Variants in SPATA13 observed in about 807,000 individuals in gnomAD.
SPATA13 encodes the protein spermatogenesis-associated protein 13.
Under a neutral mutation model 104.0 loss-of-function variants are expected in SPATA13, and 50 were observed. That is an observed-to-expected ratio of 0.48 (90% confidence interval 0.38 to 0.61). The LOEUF (loss-of-function observed/expected upper bound fraction) is 0.61. Ranked by LOEUF, SPATA13 falls within the 20% of genes least tolerant of loss-of-function variation. The pLI, the probability that SPATA13 is intolerant of heterozygous loss-of-function variation, is 0.00. For missense variants in SPATA13, 1,524 were observed against 1,690.6 expected (o/e 0.90, Z 1.73); for synonymous variants, 606 against 667.5 (o/e 0.91, Z 1.42).
intron 3 of SPATA13, among the ~76,000 whole-genome samples, chr13:24,120,963 T>G (rs9553188): frequency 0.19 from 28,893 of 152,082 alleles, 4,391 homozygotes; most frequent in African/African-American, 0.4. Flanking sequence ...GTCTGAGGAA[T>G]AAAACTGCAA....
intron 2 of SPATA13, among the ~76,000 whole-genome samples, chr13:24,013,846 T>G (rs752582742): frequency 6.6e-6 from 1 of 151,998 alleles, no homozygotes; most frequent in African/African-American, 2.4e-5. Context: ...GTTTGACCCA[T>G]GAGAAAATCA....
At position 24,186,515 on chromosome 13, in the gene SPATA13, A is replaced by G. The variant is rs147498403; in HGVS notation, c.-112+25583A>G. The stretch of plus-strand genomic sequence containing the variant: ...AATCCCAGAAACGAATAAAAATAGG[A>G]CATCAACAATGTTCTACGAGTCAAG... On this transcript the variant is annotated intron_variant, in intron 1 of 12. Transcript: ENST00000382108. Among the ~76,000 whole-genome samples the G allele has an allele frequency of 1.4e-4, 21 of 152,330 alleles. No homozygotes were observed. The East Asian group carries it at 4.1e-3, about 29-fold the overall frequency.
chr13:24,149,755 G>A (rs1250368891), intron 3 of SPATA13, among the ~76,000 whole-genome samples: 2 of 152,236 alleles, frequency 1.3e-5, no homozygotes, highest in African/African-American at 4.8e-5. Context: ...GGCCCTGCGG[G>A]GCGGATAGAG....
chr13:23,983,865 G>A (rs759344158), exon 2 of SPATA13: 267 of 985,264 alleles, frequency 2.7e-4, no homozygotes, highest in Non-Finnish European at 3.0e-4. Context: ...CCACAGGCCT[G>A]ATGAAAATGA....
intron 3 of SPATA13, among the ~76,000 whole-genome samples, chr13:24,134,292 T>C (rs1881484027): frequency 6.6e-6 from 1 of 152,206 alleles, no homozygotes; most frequent in African/African-American, 2.4e-5. Flanking sequence ...CCAAGTACCC[T>C]AAAACCACAC....
intron 9 of SPATA13, among the ~76,000 whole-genome samples, chr13:24,292,598 A>G (rs1876472074): frequency 6.6e-5 from 10 of 152,146 alleles, no homozygotes. Flanking sequence ...GCAAACCACA[A>G]CAGTTCTGGG....
intron 3 of SPATA13, among the ~76,000 whole-genome samples, chr13:24,043,766 G>A (rs1878022533): frequency 6.6e-6 from 1 of 152,148 alleles, no homozygotes; most frequent in Non-Finnish European, 1.5e-5. Flanking sequence ...TCTGCAGCAT[G>A]TTTTCCCGAT....
intron 3 of SPATA13, among the ~76,000 whole-genome samples, chr13:24,149,344 T>C (rs1484469576): frequency 1.3e-5 from 2 of 152,242 alleles, no homozygotes; most frequent in African/African-American, 2.4e-5. Context: ...ATTCTCTTTA[T>C]GTTCTCATAT....
chr13:24,057,164 C>T (rs1188613630), intron 3 of SPATA13, among the ~76,000 whole-genome samples: 2 of 151,608 alleles, frequency 1.3e-5, no homozygotes, highest in African/African-American at 2.4e-5. Context: ...ATGTGCCATG[C>T]TGGTGCGCTG....
At chr13:24,162,404 C>G (rs368397393) in intron 1 of SPATA13, 2 of 155,490 alleles carry the variant, frequency 1.3e-5, no homozygotes, top group Non-Finnish European at 2.9e-5. Flanking sequence ...CATCAGCATC[C>G]CTGGGTTCCT....
chr13:24,012,982 C>T (rs1238255293), intron 2 of SPATA13, among the ~76,000 whole-genome samples: 10 of 152,190 alleles, frequency 6.6e-5, no homozygotes, highest in African/African-American at 1.4e-4. Context: ...ACCTTCTCAC[C>T]GTGACGGCAG....
At chr13:24,059,532 C>A (rs9511024) in intron 3 of SPATA13, among the ~76,000 whole-genome samples, 1 of 151,928 alleles carries the variant, frequency 6.6e-6, no homozygotes, top group Middle Eastern at 3.2e-3. Flanking sequence ...GGTGGAATCC[C>A]CAAAGGAGGA....
At chr13:24,240,693 T>G (rs1237782238) in intron 2 of SPATA13, among the ~76,000 whole-genome samples, 1 of 152,224 alleles carries the variant, frequency 6.6e-6, no homozygotes, top group Non-Finnish European at 1.5e-5. Context: ...GCTAATAGTA[T>G]TAAAGTAAGT....
intron 3 of SPATA13, among the ~76,000 whole-genome samples, chr13:24,138,312 A>AG (rs1881639898): frequency 2.8e-5 from 2 of 70,368 alleles, no homozygotes; most frequent in Admixed American, 3.5e-4. Flanking sequence ...TCTGAAAAAA[A>AG]AAAAAAAAAC....
chr13:24,003,725 T>C (rs1461793636), intron 2 of SPATA13, among the ~76,000 whole-genome samples: 1 of 152,230 alleles, frequency 6.6e-6, no homozygotes, highest in East Asian at 1.9e-4. Flanking sequence ...TAATGCAAAA[T>C]ATTTGCAAAA....
chr13:24,306,017 A>T lies in SPATA13; in HGVS notation c.*3244A>T, dbSNP rs1877556694. The T allele has an allele frequency of 1.3e-5, 2 of 152,160 alleles. No homozygotes were observed. Among genetic ancestry groups the T allele is most frequent in the African/African-American group, 2.4e-5 (1 of 41,436 alleles). 9.4% of individuals were successfully genotyped at this position (152,160 alleles called of 1,614,324 possible). A position where few individuals can be genotyped will look rare whatever the true frequency, so the allele number is the denominator to read the frequency against. ...CAGCCACATGGTTTCTTTTCATTAGATCTGATTTTTGTTTCCCACTGTAGA... is the reference window on the plus strand; with the variant it reads ...CAGCCACATGGTTTCTTTTCATTAGTTCTGATTTTTGTTTCCCACTGTAGA... On this transcript the variant is annotated 3_prime_UTR_variant, in exon 13 of 13. Transcript: ENST00000382108.
intron 1 of SPATA13, among the ~76,000 whole-genome samples, chr13:24,216,663 G>C (rs529941657): frequency 6.6e-6 from 1 of 152,286 alleles, no homozygotes; most frequent in South Asian, 2.1e-4. Context: ...TATGTATATT[G>C]GGGCTAGGAA....
At chr13:24,068,193 G>C (rs577551660) in intron 3 of SPATA13, among the ~76,000 whole-genome samples, 2 of 152,162 alleles carry the variant, frequency 1.3e-5, no homozygotes, top group East Asian at 3.9e-4. Context: ...AGGGTGTTTT[G>C]TTCTCCTCTA....
At chr13:24,032,718 GT>G (rs954081614) in intron 3 of SPATA13, among the ~76,000 whole-genome samples, 3 of 152,324 alleles carry the variant, frequency 2.0e-5, no homozygotes, top group Admixed American at 2.0e-4. Context: ...TGAGAGTTAA[GT>G]TTGCCCTAAA....
Sources: allele counts gnomAD v4.1 joint callset (sites outside exome capture counted in the v4.1 genomes callset), GRCh38; gene constraint gnomAD v4.1.1; transcripts MANE v1.5; gene names NCBI Gene and HGNC (gene_info 2026-07-23, HGNC 2026-07-21).